PERP: variants seen among roughly 807,000 people sequenced by gnomAD.
PERP encodes p53 apoptosis effector related to PMP-22.
A neutral mutation model predicts 20.3 loss-of-function variants in PERP; 11 were observed. The ratio of observed to expected loss-of-function variants is 0.54; its 90% confidence interval spans 0.34 to 0.90. The LOEUF (loss-of-function observed/expected upper bound fraction) is 0.90. PERP is among the 40% of genes least tolerant of loss of function. The pLI, the probability that PERP is intolerant of heterozygous loss-of-function variation, is 0.02. For synonymous variants in PERP, 101 were observed against 102.0 expected (o/e 0.99, Z 0.06); for missense variants, 224 against 249.4 (o/e 0.90, Z 0.69).
chr6:138,093,551 A>T (rs569652644), intron 2 of PERP, among the ~76,000 whole-genome samples: 1 of 152,272 alleles, frequency 6.6e-6, no homozygotes, highest in Admixed American at 6.5e-5. Context: ...GCAATCTCTT[A>T]CTATTTAAGT....
At chr6:138,095,895 A>G (rs992461910) in intron 2 of PERP, among the ~76,000 whole-genome samples, 10 of 152,130 alleles carry the variant, frequency 6.6e-5, no homozygotes, top group Non-Finnish European at 1.5e-4. Context: ...AGGGTCTTCC[A>G]TCCCACGGCA....
chr6:138,100,442 A>G (rs1000904808), intron 1 of PERP, among the ~76,000 whole-genome samples: 2 of 152,164 alleles, frequency 1.3e-5, no homozygotes, highest in African/African-American at 4.8e-5. Flanking sequence ...TACATCTTTC[A>G]TGATTCAATA....
rs1054518299 is a variant in PERP at position 138,088,824 on chromosome 6, T to C, written c.*3218A>G. On this transcript the variant is annotated 3_prime_UTR_variant, in exon 3 of 3. Transcript: ENST00000421351. ...CTGATGGGGTTGCAAGCCCAGCCTG[T>C]CTGCAGGAATTTTTAAATCTGAAAC... 6.6e-6 allele frequency: 1 copy of C among 152,200 alleles called. No individual in the cohort carries two copies. Among genetic ancestry groups the C allele is most frequent in the Non-Finnish European group, 1.5e-5 (1 of 68,032 alleles). 9.4% of individuals were successfully genotyped at this position (152,200 alleles called of 1,614,324 possible).
intron 1 of PERP, among the ~76,000 whole-genome samples, chr6:138,100,586 G>C (rs1775756914): frequency 6.6e-6 from 1 of 151,938 alleles, no homozygotes; most frequent in South Asian, 2.1e-4. Context: ...AAGTGTATGG[G>C]AGAGAGTAGA....
chr6:138,099,470 A>G (rs1754001204), intron 1 of PERP, among the ~76,000 whole-genome samples: 2 of 152,236 alleles, frequency 1.3e-5, no homozygotes, highest in African/African-American at 2.4e-5. Context: ...AAACATATCT[A>G]TATATGCATG....
rs1435000007 is a variant in PERP, at chr6:138,091,076, A to G, written c.*966T>C. 1 of 152,294 alleles carries G rather than the reference A, an allele frequency of 6.6e-6. No individual in the cohort carries two copies. Among genetic ancestry groups the G allele is most frequent in the African/African-American group, 2.4e-5 (1 of 41,476 alleles). The allele number at this position is 152,294 out of a possible 1,614,324, so 9.4% of individuals were successfully genotyped here. ...AGGTTTCTGCTTACAGTTGCAAACT[A>G]TCAGAAGCCTGTCTATATGATAGAG... On this transcript the variant is annotated 3_prime_UTR_variant, in exon 3 of 3. Coordinates refer to ENST00000421351, the MANE Select transcript of PERP (RefSeq NM_022121.5).
At chr6:138,104,010 A>G (rs1775810083) in intron 1 of PERP, among the ~76,000 whole-genome samples, 1 of 152,180 alleles carries the variant, frequency 6.6e-6, no homozygotes, top group Admixed American at 6.5e-5. Context: ...ATGCTCGTCA[A>G]TCCTCACTGA....
intron 1 of PERP, among the ~76,000 whole-genome samples, chr6:138,098,454 A>T (rs1775730327): frequency 6.6e-6 from 1 of 152,204 alleles, no homozygotes; most frequent in Admixed American, 6.5e-5. Flanking sequence ...TGATGGAAGC[A>T]CACTCCTGTA....
chr6:138,104,517 A>C (rs1775816536), intron 1 of PERP, among the ~76,000 whole-genome samples: 1 of 152,192 alleles, frequency 6.6e-6, no homozygotes, highest in South Asian at 2.1e-4. Flanking sequence ...ATTCATTCGG[A>C]TTATTGTCAA....
intron 1 of PERP, among the ~76,000 whole-genome samples, chr6:138,103,937 T>C (rs1459439715): frequency 6.6e-6 from 1 of 152,198 alleles, no homozygotes; most frequent in Non-Finnish European, 1.5e-5. Flanking sequence ...GCAAAGGGTG[T>C]CTTTGGTTAA....
intron 2 of PERP, among the ~76,000 whole-genome samples, chr6:138,093,025 A>C (rs1301194230): frequency 6.6e-6 from 1 of 152,252 alleles, no homozygotes; most frequent in African/African-American, 2.4e-5. Context: ...CATAATAGTC[A>C]CATTATTACA....
intron 1 of PERP, among the ~76,000 whole-genome samples, chr6:138,106,152 G>T (rs1775837616): frequency 6.6e-6 from 1 of 152,168 alleles, no homozygotes; most frequent in Non-Finnish European, 1.5e-5. Flanking sequence ...CTTGCTGTCT[G>T]TGTTTAAAAC....
chr6:138,088,745 C>T lies in PERP; in HGVS notation c.*3297G>A, dbSNP rs944868870. ...GAATGCACTGCACACTGTATCCAGGCAAGCCAAGCTCACCTAAAAATGGTC... is the reference window on the plus strand; with the variant it reads ...GAATGCACTGCACACTGTATCCAGGTAAGCCAAGCTCACCTAAAAATGGTC... On this transcript the variant is annotated 3_prime_UTR_variant, in exon 3 of 3. Coordinates refer to ENST00000421351, the MANE Select transcript of PERP (RefSeq NM_022121.5). 3.9e-5 allele frequency: 6 copies of T among 152,156 alleles called. No individual in the cohort carries two copies. The highest frequency in any genetic ancestry group is 1.4e-4 in the African/African-American group (6 of 41,418). The allele number at this position is 152,156 out of a possible 1,614,324, so 9.4% of individuals were successfully genotyped here. A position where few individuals can be genotyped will look rare whatever the true frequency, so the allele number is the denominator to read the frequency against.
At chr6:138,094,993 T>C (rs1775656537) in intron 2 of PERP, among the ~76,000 whole-genome samples, 1 of 152,220 alleles carries the variant, frequency 6.6e-6, no homozygotes, top group African/African-American at 2.4e-5. Context: ...AGTGCTAGGA[T>C]TATAGGCATG....
intron 2 of PERP, among the ~76,000 whole-genome samples, chr6:138,094,663 G>A (rs1775648759): frequency 6.6e-6 from 1 of 152,064 alleles, no homozygotes; most frequent in South Asian, 2.1e-4. Flanking sequence ...GTGGAATGCT[G>A]GGTCATATAG....
chr6:138,100,153 G>A lies in PERP; in HGVS notation c.215-3659C>T, dbSNP rs151000656. On this transcript the variant is annotated intron_variant, in intron 1 of 2. Transcript: ENST00000421351. ...ACCATTTAGACCATACCAGGTCTGAGCAGGGTCCTCCCAGCCCACCGTTCT... is the reference window on the plus strand; with the variant it reads ...ACCATTTAGACCATACCAGGTCTGAACAGGGTCCTCCCAGCCCACCGTTCT... Among the ~76,000 whole-genome samples the A allele has an allele frequency of 3.9e-4, 60 of 152,298 alleles. 1 individual carries two copies. The East Asian group carries it at 9.1e-3, about 23-fold the overall frequency.
At position 138,092,023 on chromosome 6, in the gene PERP, T is replaced by C; in HGVS notation, c.*19A>G. 6.2e-7 allele frequency: 1 copy of C among 1,604,558 alleles called. No homozygotes were observed. On this transcript the variant is annotated 3_prime_UTR_variant, in exon 3 of 3. Transcript: ENST00000421351. The stretch of plus-strand genomic sequence containing the variant: ...GTCCATCTCAGCAGCAGCGATTTTC[T>C]CCCACATTCATTCCCAAGTTAGGCA...
At chr6:138,098,067 T>C (rs907242868) in intron 1 of PERP, among the ~76,000 whole-genome samples, 1 of 152,230 alleles carries the variant, frequency 6.6e-6, no homozygotes, top group African/African-American at 2.4e-5. Flanking sequence ...TGTTATAGCA[T>C]CAATCAATAC....
chr6:138,096,339 GAC>G lies in PERP; in HGVS notation c.355+13_355+14del, dbSNP rs767587483. On this transcript the variant is annotated intron_variant, in intron 2 of 2. Coordinates refer to ENST00000421351, the MANE Select transcript of PERP (RefSeq NM_022121.5). Reference sequence around the variant, plus strand: ...CTGAAGGCATAAATGAAGAATTGCTGACACACAGTCTTACCAGCCAAGGCAAG... The same window carrying G: ...CTGAAGGCATAAATGAAGAATTGCTGACACAGTCTTACCAGCCAAGGCAAG... 2.5e-6 allele frequency: 4 copies of G among 1,612,738 alleles called. No homozygotes were observed. In the African/African-American group the frequency reaches 4.0e-5, roughly 16 times the overall value.
Sources: gnomAD v4.1 joint callset for allele counts (sites outside exome capture counted in the v4.1 genomes callset) on GRCh38, gnomAD v4.1.1 for gene constraint, MANE v1.5 for transcripts, NCBI Gene and HGNC (gene_info 2026-07-23, HGNC 2026-07-21) for gene names.